PRKN: variants seen among roughly 807,000 people sequenced by gnomAD.
The protein encoded by PRKN is parkin RBR E3 ubiquitin protein ligase.
Under a neutral mutation model 59.5 loss-of-function variants are expected in PRKN, and 56 were observed. The ratio of observed to expected loss-of-function variants is 0.94; its 90% CI spans 0.76 to 1.18. The LOEUF is 1.18. Among genes scored for constraint, PRKN ranks in the 50% most tolerant of loss-of-function variants. PRKN has a pLI of 0.00. For synonymous variants in PRKN, 250 were observed against 222.1 expected (o/e 1.13, Z -1.12); for missense variants, 657 against 596.4 (o/e 1.10, Z -1.06).
chr6:162,397,574 A>G (rs909243105), intron 2 of PRKN, among the ~76,000 whole-genome samples: 2 of 152,106 alleles, frequency 1.3e-5, no homozygotes, highest in African/African-American at 4.8e-5. Context: ...GTTTACAGGG[A>G]CAACTATAAT....
At chr6:162,092,450 A>G (rs1221628366) in intron 4 of PRKN, among the ~76,000 whole-genome samples, 2 of 152,256 alleles carry the variant, frequency 1.3e-5, no homozygotes, top group Admixed American at 6.5e-5. Flanking sequence ...GGTGATTATT[A>G]TAAAAAATTT....
intron 1 of PRKN, among the ~76,000 whole-genome samples, chr6:162,468,946 A>G (rs1008012250): frequency 6.6e-6 from 1 of 152,304 alleles, no homozygotes; most frequent in African/African-American, 2.4e-5. Flanking sequence ...GGTATCTCAA[A>G]GGCTGGAATG....
At chr6:161,857,639 C>G (rs1289417527) in intron 6 of PRKN, among the ~76,000 whole-genome samples, 1 of 152,166 alleles carries the variant, frequency 6.6e-6, no homozygotes, top group Non-Finnish European at 1.5e-5. Flanking sequence ...TGTTGAGACA[C>G]AGCTCACATA....
At chr6:161,434,963 C>T (rs1351433607) in intron 9 of PRKN, among the ~76,000 whole-genome samples, 1 of 152,114 alleles carries the variant, frequency 6.6e-6, no homozygotes, top group African/African-American at 2.4e-5. Context: ...TGGGAAGAAG[C>T]CCAACTTCTT....
intron 1 of PRKN, among the ~76,000 whole-genome samples, chr6:162,517,227 AG>A (rs1252360746): frequency 1.4e-5 from 1 of 70,924 alleles, no homozygotes; most frequent in East Asian, 3.9e-4. Flanking sequence ...GGGGTGGGGG[AG>A]GGCTGGGGTA....
chr6:161,837,273 G>A (rs1792797362), intron 6 of PRKN, among the ~76,000 whole-genome samples: 1 of 152,006 alleles, frequency 6.6e-6, no homozygotes, highest in African/African-American at 2.4e-5. Context: ...CCTGCTAATG[G>A]CCTGGGTTGA....
chr6:161,942,116 C>T (rs997800263), intron 6 of PRKN, among the ~76,000 whole-genome samples: 2 of 152,122 alleles, frequency 1.3e-5, no homozygotes, highest in African/African-American at 4.8e-5. Flanking sequence ...TTTACTAAAG[C>T]ACACTGGCAG....
At chr6:161,477,315 C>T (rs9365291) in intron 9 of PRKN, among the ~76,000 whole-genome samples, 87,813 of 151,658 alleles carry the variant, frequency 0.58, 26,646 homozygotes, top group Middle Eastern at 0.71. Flanking sequence ...GTCGGGAGTT[C>T]GAGACCAGCC....
At chr6:161,685,659 G>C (rs2128173744) in intron 7 of PRKN, among the ~76,000 whole-genome samples, 1 of 152,304 alleles carries the variant, frequency 6.6e-6, no homozygotes, top group Non-Finnish European at 1.5e-5. Context: ...CCAAGTACGA[G>C]CCTGAGGCTC....
At chr6:161,680,963 A>T (rs961855059) in intron 7 of PRKN, among the ~76,000 whole-genome samples, 9 of 151,652 alleles carry the variant, frequency 5.9e-5, no homozygotes, top group African/African-American at 1.9e-4. Context: ...AAAATTTTTT[A>T]AATTTTTTAT....
chr6:162,165,626 AT>A (rs1297854664), intron 4 of PRKN, among the ~76,000 whole-genome samples: 1 of 149,396 alleles, frequency 6.7e-6, no homozygotes, highest in African/African-American at 2.5e-5. Flanking sequence ...GCCTGACAGC[AT>A]CCGAGGCGGC....
chr6:162,414,504 A>G lies in PRKN; in HGVS notation c.171+28806T>C, dbSNP rs560800237. Among the ~76,000 whole-genome samples the G allele has an allele frequency of 5.9e-5, 9 of 151,768 alleles. No homozygotes were observed. The South Asian group carries it at 1.5e-3, about 25-fold the overall frequency. ...GGCTGGATCACGAGGTCAGGAGATC[A>G]AGACCATCCTGGCTAACATGGTGAA... On this transcript the variant is annotated intron_variant, in intron 2 of 11. Transcript: ENST00000366898.
At chr6:161,817,844 G>T (rs537497810) in intron 6 of PRKN, among the ~76,000 whole-genome samples, 2 of 152,228 alleles carry the variant, frequency 1.3e-5, no homozygotes, top group South Asian at 4.1e-4. Flanking sequence ...TTTTCAAAAA[G>T]AACTTGACCT....
intron 7 of PRKN, among the ~76,000 whole-genome samples, chr6:161,570,838 T>C (rs566998948): frequency 5.2e-4 from 79 of 152,316 alleles, no homozygotes; most frequent in African/African-American, 1.6e-3. Flanking sequence ...CCCAAATGTA[T>C]AGATATGTAA....
intron 9 of PRKN, among the ~76,000 whole-genome samples, chr6:161,490,402 T>G (rs1777510196): frequency 6.7e-6 from 1 of 148,850 alleles, no homozygotes; most frequent in African/African-American, 2.5e-5. Context: ...TTTTTTTTTT[T>G]GAGACAGAGT....
intron 7 of PRKN, among the ~76,000 whole-genome samples, chr6:161,670,885 C>T (rs1784884381): frequency 6.6e-6 from 1 of 152,090 alleles, no homozygotes; most frequent in Non-Finnish European, 1.5e-5. Context: ...CCAGTATGAC[C>T]TTATCTTACC....
chr6:161,488,827 T>C lies in PRKN; in HGVS notation c.1083+60027A>G, dbSNP rs1200570585. On this transcript the variant is annotated intron_variant, in intron 9 of 11. Coordinates refer to ENST00000366898, the MANE Select transcript of PRKN (RefSeq NM_004562.3). This position sits in a 1 kb window ranked among gnomAD's most constrained non-coding sequence, Gnocchi z 4.5. ...CAGTGAATCTTGACTACTAAGAGAC[T>C]AGGGGACCATGAAAGAAAACAGTAC... Among the ~76,000 whole-genome samples the C allele has an allele frequency of 6.6e-6, 1 of 152,132 alleles. No homozygotes were observed. Among genetic ancestry groups the C allele is most frequent in the Non-Finnish European group, 1.5e-5 (1 of 68,032 alleles).
Position 162,387,581 on chromosome 6 carries a change from G to C in PRKN, c.171+55729C>G, listed in dbSNP as rs757272241. ...AGAGAGAGAGAGAGAGAGAGAGAGA[G>C]AGAGAGAGAGAGAGAGAGAGAGAGA... is the stretch of plus-strand genomic sequence containing the variant. On this transcript the variant is annotated intron_variant, in intron 2 of 11. Coordinates refer to ENST00000366898, the MANE Select transcript of PRKN (RefSeq NM_004562.3). 7.7e-3 allele frequency among the ~76,000 whole-genome samples: 1,168 copies of C among 150,794 alleles called. 10 individuals carry two copies. Among genetic ancestry groups the C allele is most frequent in the Middle Eastern group, 0.014 (4 of 294 alleles).
intron 2 of PRKN, among the ~76,000 whole-genome samples, chr6:162,400,856 C>A (rs951754466): frequency 6.6e-6 from 1 of 152,068 alleles, no homozygotes; most frequent in East Asian, 1.9e-4. Context: ...GAGGGAACTA[C>A]TATATACATC....
Sources: gnomAD v4.1 joint callset for allele counts (sites outside exome capture counted in the v4.1 genomes callset) on GRCh38, gnomAD v4.1.1 for gene constraint, Gnocchi (gnomAD v3.1) non-coding constraint, MANE v1.5 for transcripts, NCBI Gene and HGNC (gene_info 2026-07-23, HGNC 2026-07-21) for gene names.